The following RSRC1 variants were observed in gnomAD, a reference collection of about 807,000 sequenced individuals.
RSRC1 encodes arginine and serine rich coiled-coil 1, also known as serine/Arginine-related protein 53.
In RSRC1, 39 loss-of-function variants were observed where a neutral mutation model predicts 49.1. That is an observed-to-expected ratio of 0.79 (90% CI 0.61 to 1.04). The LOEUF (loss-of-function observed/expected upper bound fraction) is 1.04, where lower values mean the gene tolerates loss of function less well. Ranked by LOEUF, RSRC1 falls within the 50% of genes least tolerant of loss-of-function variation. The probability of loss-of-function intolerance (pLI) is 0.00; values close to 1 mark genes in which losing one functional copy is unlikely to be tolerated. For missense variants in RSRC1, 388 were observed against 402.4 expected, an observed-to-expected ratio of 0.96 and a Z score of 0.31; for synonymous variants, 143 against 130.8, an observed-to-expected ratio of 1.09 and a Z score of -0.63.
intron 5 of RSRC1, among the ~76,000 whole-genome samples, chr3:158,346,382 A>G (rs1730555632): frequency 6.6e-6 from 1 of 152,222 alleles, no homozygotes; most frequent in Non-Finnish European, 1.5e-5. Context: ...TGGATTTTGC[A>G]TATCAAATTT....
chr3:158,389,454 T>C (rs982671296), intron 6 of RSRC1, among the ~76,000 whole-genome samples: 13 of 152,214 alleles, frequency 8.5e-5, no homozygotes, highest in Admixed American at 6.5e-4. Context: ...TTTAACATTT[T>C]GAAATATCTA....
chr3:158,308,935 G>A (rs1334019480), intron 5 of RSRC1, among the ~76,000 whole-genome samples: 1 of 151,916 alleles, frequency 6.6e-6, no homozygotes, highest in East Asian at 1.9e-4. Context: ...CCGAAGATGA[G>A]AGGTAAATTA....
rs1330999499 is a variant in RSRC1, at chr3:158,350,161, A to AAT, written c.532-4680_532-4679dup. On this transcript the variant is annotated intron_variant, in intron 5 of 9. Coordinates refer to ENST00000611884, the MANE Select transcript of RSRC1 (RefSeq NM_001271838.2). Reference sequence around the variant, plus strand: ...TCTGTTTTTTTACTTAAACAACAGAAATATATATATATATATAATTTTTTT... The same window carrying AAT: ...TCTGTTTTTTTACTTAAACAACAGAAATATATATATATATATATAATTTTTTT... 3.8e-3 allele frequency among the ~76,000 whole-genome samples: 525 copies of AAT among 139,524 alleles called. 6 individuals are homozygous for AAT. Among genetic ancestry groups the AAT allele is most frequent in the African/African-American group, 0.012 (460 of 37,398 alleles). 91.5% of individuals were successfully genotyped at this position (139,524 alleles called of 152,430 possible). A position where few individuals can be genotyped will look rare whatever the true frequency, so the allele number is the denominator to read the frequency against.
rs183339866 is a variant in RSRC1 at position 158,162,940 on chromosome 3, A to C, written c.320+38949A>C. Among the ~76,000 whole-genome samples, 37 of 152,266 alleles carry C rather than the reference A, an allele frequency of 2.4e-4. 2 individuals carry two copies. The East Asian group carries it at 3.1e-3, about 13-fold the overall frequency. On this transcript the variant is annotated intron_variant, in intron 3 of 9. Coordinates refer to ENST00000611884, the MANE Select transcript of RSRC1 (RefSeq NM_001271838.2). ...CAGGTAAAAAGGAAGAATAATTTCT[A>C]ATCTTTTGGATATTGTGTTATTTTG...
intron 4 of RSRC1, among the ~76,000 whole-genome samples, chr3:158,293,541 T>A (rs886425107): frequency 1.3e-5 from 2 of 152,074 alleles, no homozygotes; most frequent in African/African-American, 4.8e-5. Context: ...TCCAGATGAT[T>A]ATGGGTGAAC....
intron 3 of RSRC1, among the ~76,000 whole-genome samples, chr3:158,126,285 T>A (rs1715623433): frequency 6.6e-6 from 1 of 152,128 alleles, no homozygotes; most frequent in Admixed American, 6.6e-5. Flanking sequence ...TATAGCTATT[T>A]TGTCTCTCAT....
At chr3:158,425,073 A>C (rs1490169984) in intron 6 of RSRC1, among the ~76,000 whole-genome samples, 1 of 150,458 alleles carries the variant, frequency 6.6e-6, no homozygotes, top group Non-Finnish European at 1.5e-5. Flanking sequence ...TTGTGTCTCT[A>C]TTTCCTTCAG....
intron 6 of RSRC1, among the ~76,000 whole-genome samples, chr3:158,428,165 A>G (rs1046560714): frequency 6.6e-6 from 1 of 151,530 alleles, no homozygotes; most frequent in Admixed American, 6.6e-5. Flanking sequence ...TCAAGCCTCT[A>G]CTCTCAGTAT....
chr3:158,298,141 T>C (rs575207247), intron 5 of RSRC1, 66 bp downstream of exon 5: 37 of 1,168,428 alleles, frequency 3.2e-5, no homozygotes, highest in Middle Eastern at 3.8e-4. Context: ...ATGAACACTT[T>C]TGAATGAGCT....
chr3:158,265,166 C>T (rs73874351), intron 4 of RSRC1, among the ~76,000 whole-genome samples: 11,699 of 152,278 alleles, frequency 0.077, 545 homozygotes, highest in South Asian at 0.13. Context: ...TACTTTGTTT[C>T]TTAACTCTCA....
At chr3:158,479,612 A>G (rs1178968899) in intron 7 of RSRC1, among the ~76,000 whole-genome samples, 5 of 152,046 alleles carry the variant, frequency 3.3e-5, no homozygotes, top group African/African-American at 7.2e-5. Context: ...TTCACCAGAT[A>G]TGACTCCAAA....
chr3:158,454,152 G>A (rs1465211742), intron 6 of RSRC1, among the ~76,000 whole-genome samples: 1 of 151,930 alleles, frequency 6.6e-6, no homozygotes, highest in Non-Finnish European at 1.5e-5. Context: ...TTTATATTAT[G>A]TCTTTGATTA....
intron 5 of RSRC1, among the ~76,000 whole-genome samples, chr3:158,338,534 C>G (rs1730044145): frequency 6.6e-6 from 1 of 152,122 alleles, no homozygotes; most frequent in South Asian, 2.1e-4. Flanking sequence ...CTGCACAGTA[C>G]CTACACTGCA....
chr3:158,219,373 A>G (rs1559947889), intron 4 of RSRC1, among the ~76,000 whole-genome samples: 1 of 151,328 alleles, frequency 6.6e-6, no homozygotes, highest in Non-Finnish European at 1.5e-5. Context: ...GGAACATTAT[A>G]TAAGGGCTTA....
In RSRC1 at chr3:158,347,166, A is replaced by G. The variant is rs143670988; in HGVS notation, c.532-7691A>G. ...TTTCTTTTTTTACATTGTTATTTTG[A>G]CTCTCTCTCTCTGATTATACTGTAA... On this transcript the variant is annotated intron_variant, in intron 5 of 9. Coordinates refer to ENST00000611884, the MANE Select transcript of RSRC1 (RefSeq NM_001271838.2). 3.2e-4 allele frequency among the ~76,000 whole-genome samples: 48 copies of G among 151,996 alleles called. 1 individual carries two copies. Among genetic ancestry groups the G allele is most frequent in the Middle Eastern group, 3.4e-3 (1 of 294 alleles).
In RSRC1 at chr3:158,120,132, T is replaced by G. The variant is rs191804382; in HGVS notation, c.-2-1971T>G. Among the ~76,000 whole-genome samples the G allele has an allele frequency of 1.8e-4, 28 of 151,726 alleles. No individual in the cohort carries two copies. In the East Asian group the frequency reaches 3.3e-3, roughly 18 times the overall value. ...GCGTGAGCCACTGCACCTGGCCACTTTCATAGTCATTTTAAAGCTGGAAAG... is the reference window on the plus strand; with the variant it reads ...GCGTGAGCCACTGCACCTGGCCACTGTCATAGTCATTTTAAAGCTGGAAAG... On this transcript the variant is annotated intron_variant, in intron 1 of 9. Coordinates refer to ENST00000611884, the MANE Select transcript of RSRC1 (RefSeq NM_001271838.2).
chr3:158,164,266 A>G (rs1010158148), intron 3 of RSRC1, among the ~76,000 whole-genome samples: 2 of 152,136 alleles, frequency 1.3e-5, no homozygotes, highest in African/African-American at 4.8e-5. Context: ...GACATCTATC[A>G]TATGTCGAAC....
chr3:158,198,896 G>T (rs181583737), intron 3 of RSRC1, among the ~76,000 whole-genome samples: 11 of 152,300 alleles, frequency 7.2e-5, no homozygotes, highest in Non-Finnish European at 1.3e-4. Context: ...ACCCATTAGA[G>T]ATGGACAAGG....
chr3:158,197,841 A>G (rs1315415023), intron 3 of RSRC1, among the ~76,000 whole-genome samples: 1 of 152,178 alleles, frequency 6.6e-6, no homozygotes, highest in Non-Finnish European at 1.5e-5. Context: ...GTTTGATTGC[A>G]CTGTGGTCTG....
Sources: gnomAD v4.1 joint callset for allele counts (sites outside exome capture counted in the v4.1 genomes callset) on GRCh38, gnomAD v4.1.1 for gene constraint, MANE v1.5 for transcripts, NCBI Gene and HGNC (gene_info 2026-07-23, HGNC 2026-07-21) for gene names.